The following JARID2 variants were observed in gnomAD, a reference collection of about 807,000 sequenced individuals.
JARID2 encodes jumonji and AT-rich interaction domain containing 2.
JARID2 carries 21 observed loss-of-function variants against 125.6 expected under a neutral mutation model. The observed-to-expected ratio is 0.17, with a 90% CI of 0.12 to 0.24. JARID2 has a LOEUF of 0.24. Ranked by LOEUF, JARID2 falls within the 10% of genes least tolerant of loss-of-function variation. The pLI, the probability that JARID2 is intolerant of heterozygous loss-of-function variation, is 1.00. For synonymous variants in JARID2, 736 were observed against 661.6 expected (o/e 1.11, Z -1.73); for missense variants, 1,303 against 1,639.6 (o/e 0.79, Z 3.55).
intron 3 of JARID2, among the ~76,000 whole-genome samples, chr6:15,429,266 CTT>C (rs898209605): frequency 2.8e-5 from 4 of 144,692 alleles, no homozygotes; most frequent in Admixed American, 6.9e-5. Flanking sequence ...TTTTCTTGTT[CTT>C]TTTTTTTTTT....
chr6:15,507,513 G>A (rs1771061332), intron 11 of JARID2, 97 bp downstream of exon 11: 1 of 986,182 alleles, frequency 1.0e-6, no homozygotes, highest in Non-Finnish European at 1.6e-6. Flanking sequence ...GCACTGCCGG[G>A]GAGGGATGGC....
At chr6:15,498,367 G>A (rs982265877) in intron 7 of JARID2, among the ~76,000 whole-genome samples, 1 of 152,208 alleles carries the variant, frequency 6.6e-6, no homozygotes. Flanking sequence ...GCTCCTCAGG[G>A]TGGGTTGCAG....
At chr6:15,519,482 C>G (rs1771726976) in intron 17 of JARID2, among the ~76,000 whole-genome samples, 1 of 151,930 alleles carries the variant, frequency 6.6e-6, no homozygotes, top group Admixed American at 6.6e-5. Flanking sequence ...CACCCGTGGC[C>G]CAGAGAGATG....
chr6:15,414,873 G>T (rs2127576008), intron 3 of JARID2, among the ~76,000 whole-genome samples: 1 of 151,972 alleles, frequency 6.6e-6, no homozygotes, highest in East Asian at 1.9e-4. Context: ...GGGGGATTTG[G>T]CAGGGTCATA....
At chr6:15,415,675 T>C (rs866509576) in intron 3 of JARID2, among the ~76,000 whole-genome samples, 9,386 of 48,978 alleles carry the variant, frequency 0.19, 4 homozygotes, top group South Asian at 0.24. Context: ...CCGGACGGGG[T>C]GGCTGGCCGG....
intron 1 of JARID2, among the ~76,000 whole-genome samples, chr6:15,316,419 G>T (rs1762182032): frequency 6.6e-6 from 1 of 152,170 alleles, no homozygotes; most frequent in African/African-American, 2.4e-5. Context: ...CCCTACAGAG[G>T]TGGCCAGTTA....
At chr6:15,410,554 C>CG (rs921644726) in intron 3 of JARID2, among the ~76,000 whole-genome samples, 189 bp downstream of exon 3, 4 of 151,962 alleles carry the variant, frequency 2.6e-5, no homozygotes, top group Admixed American at 6.6e-5. Context: ...TAATTAAAAA[C>CG]GGGAAAAAAA....
chr6:15,336,597 A>C (rs981606043), intron 1 of JARID2, among the ~76,000 whole-genome samples: 22 of 151,738 alleles, frequency 1.4e-4, no homozygotes, highest in African/African-American at 5.1e-4. Flanking sequence ...TGTTAAAAAC[A>C]TACCCCCTTC....
intron 17 of JARID2, among the ~76,000 whole-genome samples, chr6:15,518,428 T>C (rs1460424037): frequency 6.6e-6 from 1 of 152,208 alleles, no homozygotes; most frequent in African/African-American, 2.4e-5. Context: ...CTGCATACTC[T>C]GTAGTGGCTG....
chr6:15,452,146 A>C lies in JARID2; in HGVS notation c.464A>C (p.Glu155Ala). 1 of 1,614,014 alleles carries C rather than the reference A, an allele frequency of 6.2e-7. No individual in the cohort carries two copies. Among genetic ancestry groups the C allele is most frequent in the Non-Finnish European group, 8.5e-7 (1 of 1,179,978 alleles). ...CTCTCTAAAAGGAAGCCTAAGACAG[A>C]AGATTTTCTTACCTTTCTCTGCCTT... Reference protein sequence around the residue: ...SDLSKRKPKTEDFLTFLCLRG... With the variant: ...SDLSKRKPKTADFLTFLCLRG... The change falls in exon 4 of 18, where the codon GAA becomes GCA. Residue 155 changes from glutamate (E) to alanine (A), a missense_variant. Glu to Ala is a moderately radical substitution (Grantham distance 107, BLOSUM62 -1). Transcript: ENST00000341776.
chr6:15,300,598 GTCTA>G (rs759571968), intron 1 of JARID2, among the ~76,000 whole-genome samples: 106 of 152,118 alleles, frequency 7.0e-4, no homozygotes, highest in Non-Finnish European at 1.3e-3. Flanking sequence ...TCATTTTGGA[GTCTA>G]TCTGTTTCGA....
At chr6:15,343,722 A>G (rs1763150090) in intron 1 of JARID2, among the ~76,000 whole-genome samples, 1 of 152,216 alleles carries the variant, frequency 6.6e-6, no homozygotes, top group Non-Finnish European at 1.5e-5. Context: ...GGGTCTGGTT[A>G]AGATCAGATT....
intron 16 of JARID2, among the ~76,000 whole-genome samples, chr6:15,516,419 G>C (rs1166494466): frequency 6.6e-6 from 1 of 152,200 alleles, no homozygotes; most frequent in East Asian, 1.9e-4. Flanking sequence ...CTCAACCCTA[G>C]ACAGGCCCCC....
At chr6:15,420,865 A>C (rs1376449604) in intron 3 of JARID2, among the ~76,000 whole-genome samples, 1 of 152,224 alleles carries the variant, frequency 6.6e-6, no homozygotes, top group African/African-American at 2.4e-5. Context: ...TATGTTTACC[A>C]TGTAGGCTAG....
At chr6:15,284,987 C>G (rs1235709668) in intron 1 of JARID2, among the ~76,000 whole-genome samples, 2 of 151,858 alleles carry the variant, frequency 1.3e-5, no homozygotes, top group Non-Finnish European at 2.9e-5. Flanking sequence ...ACTGCTTGCT[C>G]TCATCTGTTG....
chr6:15,304,974 A>G (rs1033257587), intron 1 of JARID2, among the ~76,000 whole-genome samples: 1 of 151,924 alleles, frequency 6.6e-6, no homozygotes, highest in African/African-American at 2.4e-5. Flanking sequence ...ACCAGTTATG[A>G]TGGAACATTT....
At chr6:15,486,426 TTGGGGTGGA>T (rs1769868193) in intron 5 of JARID2, among the ~76,000 whole-genome samples, 1 of 152,160 alleles carries the variant, frequency 6.6e-6, no homozygotes, top group Non-Finnish European at 1.5e-5. Flanking sequence ...CACCTGGGGT[TTGGGGTGGA>T]TGGGGTGGGC....
chr6:15,397,889 C>T (rs1449059188), intron 2 of JARID2, among the ~76,000 whole-genome samples: 1 of 152,124 alleles, frequency 6.6e-6, no homozygotes, highest in Non-Finnish European at 1.5e-5. Context: ...ACTAGAAGCG[C>T]CTTAGATGCC....
chr6:15,418,912 T>TA (rs1407948279), intron 3 of JARID2, among the ~76,000 whole-genome samples: 1 of 152,194 alleles, frequency 6.6e-6, no homozygotes, highest in African/African-American at 2.4e-5. Context: ...TGGTCTGAGT[T>TA]ACTTTGATGG....
Sources: allele counts gnomAD v4.1 joint callset (sites outside exome capture counted in the v4.1 genomes callset), GRCh38; gene constraint gnomAD v4.1.1; transcripts MANE v1.5; gene names NCBI Gene and HGNC (gene_info 2026-07-23, HGNC 2026-07-21).